Variants in ZNF558 observed in about 807,000 individuals in gnomAD.
ZNF558 encodes zinc finger protein 558.
In ZNF558, 23 loss-of-function variants were observed where a neutral mutation model predicts 37.6. That is an observed-to-expected ratio of 0.61 (90% confidence interval 0.44 to 0.87). ZNF558 has a LOEUF of 0.87. Ranked by LOEUF, ZNF558 falls within the 40% of genes least tolerant of loss-of-function variation. The pLI is 0.00. For synonymous variants in ZNF558, 189 were observed against 174.4 expected (o/e 1.08, Z -0.66); for missense variants, 429 against 483.7 (o/e 0.89, Z 1.06).
upstream of ZNF558, among the ~76,000 whole-genome samples, chr19:8,835,209 G>T (rs1031425144): frequency 6.6e-6 from 1 of 151,962 alleles, no homozygotes; most frequent in Non-Finnish European, 1.5e-5. Flanking sequence ...TCACCACCAC[G>T]CCTGGCTAAT....
intron 6 of ZNF558, 187 bp downstream of exon 6, chr19:8,821,816 G>A (rs1038004836): frequency 2.4e-5 from 34 of 1,426,262 alleles, no homozygotes; most frequent in Non-Finnish European, 3.0e-5. Flanking sequence ...AGGGAGCTCT[G>A]AACCTGCAGT....
chr19:8,814,062 C>T (rs915061448), intron 7 of ZNF558, among the ~76,000 whole-genome samples: 6 of 152,182 alleles, frequency 3.9e-5, no homozygotes, highest in East Asian at 1.9e-4. Flanking sequence ...CTGGCAAAAG[C>T]GGTCCGAATC....
In ZNF558 at chr19:8,811,013, G is replaced by A; in HGVS notation, c.*268C>T. 2.8e-6 allele frequency: 1 copy of A among 351,612 alleles called. No individual in the cohort carries two copies. Among genetic ancestry groups the A allele is most frequent in the East Asian group, 5.2e-5 (1 of 19,192 alleles). 21.8% of individuals were successfully genotyped at this position (351,612 alleles called of 1,614,324 possible). A position where few individuals can be genotyped will look rare whatever the true frequency, so the allele number is the denominator to read the frequency against. On this transcript the variant is annotated 3_prime_UTR_variant, in exon 10 of 10. Coordinates refer to ENST00000601372, the MANE Select transcript of ZNF558 (RefSeq NM_144693.3). ...AAGTGGACTGTTCATCAGTAAAGAT[G>A]TTAGATGACTATAGCTTTGGCTGAC... is the stretch of plus-strand genomic sequence containing the variant.
rs112359914 is a variant in ZNF558 at position 8,821,389 on chromosome 19, A to T, written c.121-83T>A. ...GAAGAGGGGCCAGGAGAACAGAGCCAGGGCTGGGGAAACCTGAGCACGAGA... is the reference window on the plus strand; with the variant it reads ...GAAGAGGGGCCAGGAGAACAGAGCCTGGGCTGGGGAAACCTGAGCACGAGA... On this transcript the variant is annotated intron_variant, in intron 6 of 9. Coordinates refer to ENST00000601372, the MANE Select transcript of ZNF558 (RefSeq NM_144693.3). 9,780 of 1,613,114 alleles carry T rather than the reference A, an allele frequency of 6.1e-3. 448 individuals are homozygous for T. The African/African-American group carries it at 0.11, about 18-fold the overall frequency.
At chr19:8,821,596 C>T (rs2044092458) in intron 6 of ZNF558, 1 of 1,359,212 alleles carries the variant, frequency 7.4e-7, no homozygotes. Context: ...TGCCTTTTCT[C>T]ACTCAGACTG....
At chr19:8,831,071 G>A (rs2044341402) in intron 2 of ZNF558, 1 of 152,188 alleles carries the variant, frequency 6.6e-6, no homozygotes, top group Non-Finnish European at 1.5e-5. Context: ...TTTAGCTACA[G>A]TTACACATCT....
Position 8,811,442 on chromosome 19 carries a change from A to C in ZNF558, c.1048T>G (p.Cys350Gly). The C allele has an allele frequency of 6.2e-7, 1 of 1,614,024 alleles. No individual in the cohort carries two copies. The highest frequency in any genetic ancestry group is 8.5e-7 in the Non-Finnish European group (1 of 1,179,990). Residue 350 changes from cysteine to glycine, a missense_variant, in exon 10 of 10, where the codon TGC (cysteine) becomes GGC (glycine). Physicochemically the swap from Cys to Gly is radical, Grantham distance 159 (BLOSUM62 -3). Transcript: ENST00000601372. ...TTAAAGGCTTTTCCACAGTCACTGC[A>C]CTCGTAGGGTTTCTCTCCGGTATGT... ...RIHTGEKPYE[C>G]SDCGKAFNNL... is the part of the protein sequence containing the mutation.
chr19:8,836,648 C>T (rs1208951022), upstream of ZNF558, among the ~76,000 whole-genome samples: 4 of 152,096 alleles, frequency 2.6e-5, no homozygotes, highest in Non-Finnish European at 4.4e-5. Flanking sequence ...TGCACCACCA[C>T]GCCCAGCTAG....
Position 8,821,158 on chromosome 19 carries a change from G to A in ZNF558, c.247+22C>T, listed in dbSNP as rs550259461. ...TTGCCACTGGAGTCATTAAATAAAT[G>A]CAGGAATGACATTAGGCTTACCTAG... is the stretch of plus-strand genomic sequence containing the variant. On this transcript the variant is annotated intron_variant, in intron 7 of 9. Transcript: ENST00000601372. 1.9e-6 allele frequency: 3 copies of A among 1,610,314 alleles called. No homozygotes were observed. In the South Asian group the frequency reaches 3.3e-5, roughly 18 times the overall value.
intron 7 of ZNF558, 30 bp from the exon 8 acceptor site, chr19:8,813,252 G>A (rs1555769094): frequency 2.0e-6 from 3 of 1,535,380 alleles, no homozygotes; most frequent in South Asian, 1.2e-5. Context: ...ACATGATATA[G>A]GTAACAGTGC....
chr19:8,813,063 C>T (rs1555768894), intron 8 of ZNF558, 64 bp downstream of exon 8: 3 of 1,324,986 alleles, frequency 2.3e-6, no homozygotes, highest in Non-Finnish European at 3.2e-6. Flanking sequence ...ATGTAATACT[C>T]CCAACCCCCA....
At chr19:8,827,333 C>T (rs2044253963) in intron 2 of ZNF558, among the ~76,000 whole-genome samples, 1 of 152,040 alleles carries the variant, frequency 6.6e-6, no homozygotes, top group Non-Finnish European at 1.5e-5. Flanking sequence ...TTTTTGGGAG[C>T]AATCATCTGA....
intron 7 of ZNF558, among the ~76,000 whole-genome samples, chr19:8,816,060 AC>A (rs2043930407): frequency 2.0e-5 from 3 of 151,070 alleles, no homozygotes; most frequent in Non-Finnish European, 4.4e-5. Context: ...ACTGAAACAC[AC>A]ACACACACAC....
At position 8,821,290 on chromosome 19, in the gene ZNF558, T is replaced by G; in HGVS notation, c.137A>C (p.Glu46Ala). 1.2e-6 allele frequency: 2 copies of G among 1,614,150 alleles called. No individual in the cohort carries two copies. Among genetic ancestry groups the G allele is most frequent in the Non-Finnish European group, 1.7e-6 (2 of 1,180,036 alleles). Residue 46 changes from glutamate to alanine, a missense_variant, in exon 7 of 10, where the codon GAG (glutamate) becomes GCG (alanine). Physicochemically the swap from Glu to Ala is moderately radical, Grantham distance 107 (BLOSUM62 -1). Transcript: ENST00000601372. Reference sequence around the variant, plus strand: ...CTGGGTGAACTCCACGGCCACATCCTCGAAGGTTACCAAGCCCTAAAGCAT... The same window carrying G: ...CTGGGTGAACTCCACGGCCACATCCGCGAAGGTTACCAAGCCCTAAAGCAT... ...TSWLRGLVTF[E>A]DVAVEFTQEE...
intron 7 of ZNF558, among the ~76,000 whole-genome samples, chr19:8,819,047 G>C (rs1376123395): frequency 2.0e-5 from 3 of 152,176 alleles, no homozygotes; most frequent in African/African-American, 7.2e-5. Flanking sequence ...GAGTGGAATT[G>C]TTAACACTAG....
rs567348737 is a variant in ZNF558 at position 8,808,594 on chromosome 19, T to C, written c.*2687A>G. On this transcript the variant is annotated 3_prime_UTR_variant, in exon 10 of 10. Transcript: ENST00000601372. Reference sequence around the variant, plus strand: ...TACAATTAAGTTGCATTAATGTTCATATACCCTATATCCAAATATTAGAGA... The same window carrying C: ...TACAATTAAGTTGCATTAATGTTCACATACCCTATATCCAAATATTAGAGA... The C allele has an allele frequency of 5.3e-5, 8 of 152,336 alleles. No homozygotes were observed. In the East Asian group the frequency reaches 1.5e-3, roughly 29 times the overall value. The allele number at this position is 152,336 out of a possible 1,614,324, so 9.4% of individuals were successfully genotyped here.
chr19:8,822,707 C>T lies in ZNF558; in HGVS notation c.-48G>A, dbSNP rs1239605621. On this transcript the variant is annotated 5_prime_UTR_variant, in exon 5 of 10. Coordinates refer to ENST00000601372, the MANE Select transcript of ZNF558 (RefSeq NM_144693.3). This position sits in a 1 kb window ranked among gnomAD's most constrained non-coding sequence, Gnocchi z 4.4. ...GGCAGCCGGGAAGCAGGACGCTCCTCCTTTATCCCGCAGCGCTCTGGAAGA... is the reference window on the plus strand; with the variant it reads ...GGCAGCCGGGAAGCAGGACGCTCCTTCTTTATCCCGCAGCGCTCTGGAAGA... 1.9e-6 allele frequency: 3 copies of T among 1,613,802 alleles called. No homozygotes were observed. Among genetic ancestry groups the T allele is most frequent in the African/African-American group, 1.3e-5 (1 of 74,934 alleles).
Position 8,821,256 on chromosome 19 carries a change from C to T in ZNF558, c.171G>A (p.Trp57Ter). The T allele has an allele frequency of 1.9e-6, 3 of 1,614,182 alleles. No homozygotes were observed. Among genetic ancestry groups the T allele is most frequent in the Non-Finnish European group, 2.5e-6 (3 of 1,180,036 alleles). Residue 57 changes from tryptophan (W) to a stop codon, truncating the protein, a stop_gained, in exon 7 of 10, where the codon TGG (tryptophan) becomes TGA (stop). Coordinates refer to ENST00000601372, the MANE Select transcript of ZNF558 (RefSeq NM_144693.3). LOFTEE classifies it high-confidence loss of function. ...DVAVEFTQEE[W>*]ALLDPAQRTL... is the part of the protein sequence containing the mutation. ...TCCTTTGGGCAGGGTCCAGCAACGC[C>T]CACTCCTCCTGGGTGAACTCCACGG...
At chr19:8,834,627 C>A (rs1409106957), upstream of ZNF558, among the ~76,000 whole-genome samples, 7 of 146,312 alleles carry the variant, frequency 4.8e-5, no homozygotes, top group Admixed American at 6.8e-5. Flanking sequence ...CAAACCAAAA[C>A]CAAAAAAAAA....
Sources: allele counts gnomAD v4.1 joint callset (sites outside exome capture counted in the v4.1 genomes callset), GRCh38; gene constraint gnomAD v4.1.1; non-coding constraint Gnocchi (gnomAD v3.1); transcripts MANE v1.5; gene names NCBI Gene and HGNC (gene_info 2026-07-23, HGNC 2026-07-21).